LUZP2: variants seen among roughly 807,000 people sequenced by gnomAD.
LUZP2 encodes leucine zipper protein 2.
LUZP2 carries 52 observed loss-of-function variants against 51.6 expected under a neutral mutation model. The observed-to-expected ratio is 1.01, with a 90% CI of 0.81 to 1.27. The LOEUF is 1.27. Among genes scored for constraint, LUZP2 ranks in the 50% most tolerant of loss-of-function variants. The probability of loss-of-function intolerance (pLI) is 0.00; values close to 1 mark genes in which losing one functional copy is unlikely to be tolerated. For missense variants in LUZP2, 436 were observed against 395.4 expected, an observed-to-expected ratio of 1.10 and a Z score of -0.87; for synonymous variants, 154 against 137.3, an observed-to-expected ratio of 1.12 and a Z score of -0.85.
intron 8 of LUZP2, among the ~76,000 whole-genome samples, chr11:24,981,616 C>A (rs940075131): frequency 6.6e-6 from 1 of 151,806 alleles, no homozygotes; most frequent in Non-Finnish European, 1.5e-5. Context: ...GGTTCAAACG[C>A]CCCTGACGCT....
At chr11:24,758,653 T>A (rs1859862771) in intron 4 of LUZP2, among the ~76,000 whole-genome samples, 1 of 152,090 alleles carries the variant, frequency 6.6e-6, no homozygotes, top group African/African-American at 2.4e-5. Flanking sequence ...TGATGCTCTC[T>A]CTCAAATTGG....
intron 1 of LUZP2, among the ~76,000 whole-genome samples, chr11:24,717,341 T>C (rs949485611): frequency 1.3e-5 from 2 of 151,998 alleles, no homozygotes; most frequent in Non-Finnish European, 2.9e-5. Flanking sequence ...GTTTGTTACA[T>C]AGGTGAACTC....
chr11:24,764,449 AG>A (rs1474180486), intron 5 of LUZP2, among the ~76,000 whole-genome samples: 34 of 145,778 alleles, frequency 2.3e-4, no homozygotes, highest in Admixed American at 4.9e-4. Flanking sequence ...TGAGCCCAGG[AG>A]TTTGAGACCA....
chr11:25,077,320 CT>C lies in LUZP2; in HGVS notation c.859-5del. The C allele has an allele frequency of 6.2e-7, 1 of 1,607,208 alleles. No individual in the cohort carries two copies. ...TTCATTGATGTATTTTTAATTGCTACTTTTGTAGGAGGGCAGACCGTGTTCC... is the reference window on the plus strand; with the variant it reads ...TTCATTGATGTATTTTTAATTGCTACTTTGTAGGAGGGCAGACCGTGTTCC... On this transcript the variant is annotated splice_polypyrimidine_tract_variant and splice_region_variant and intron_variant, in intron 10 of 11. Coordinates refer to ENST00000336930, the MANE Select transcript of LUZP2 (RefSeq NM_001009909.4).
chr11:24,550,714 G>T (rs1275562477), intron 1 of LUZP2, among the ~76,000 whole-genome samples: 1 of 151,998 alleles, frequency 6.6e-6, no homozygotes, highest in Admixed American at 6.6e-5. Flanking sequence ...TCTTTTTCTT[G>T]TTGTCTAAAT....
At chr11:24,561,878 AG>A (rs1235877618) in intron 1 of LUZP2, among the ~76,000 whole-genome samples, 1 of 151,746 alleles carries the variant, frequency 6.6e-6, no homozygotes, top group African/African-American at 2.4e-5. Flanking sequence ...TGTAGAAAAA[AG>A]CACTTAAAGA....
chr11:24,825,148 G>T (rs961593707), intron 5 of LUZP2, among the ~76,000 whole-genome samples: 3 of 152,046 alleles, frequency 2.0e-5, no homozygotes, highest in African/African-American at 7.2e-5. Flanking sequence ...GTGACATCTA[G>T]TTTTTCAATC....
intron 1 of LUZP2, among the ~76,000 whole-genome samples, chr11:24,606,270 T>C (rs1440001108): frequency 6.6e-6 from 1 of 151,990 alleles, no homozygotes; most frequent in Non-Finnish European, 1.5e-5. Flanking sequence ...CAGTAGAAAC[T>C]ATACTTCAAT....
At chr11:24,733,376 T>A (rs1269147774) in intron 3 of LUZP2, among the ~76,000 whole-genome samples, 1 of 151,810 alleles carries the variant, frequency 6.6e-6, no homozygotes, top group African/African-American at 2.4e-5. Flanking sequence ...TATTTGTGGC[T>A]CTGTGAAGTA....
chr11:24,839,304 C>T (rs1850953654), intron 5 of LUZP2, among the ~76,000 whole-genome samples: 1 of 151,636 alleles, frequency 6.6e-6, no homozygotes, highest in South Asian at 2.1e-4. Context: ...AGTCTGATTT[C>T]ACTGATAGTG....
intron 5 of LUZP2, among the ~76,000 whole-genome samples, chr11:24,871,973 G>A (rs989989075): frequency 2.0e-5 from 3 of 151,928 alleles, no homozygotes; most frequent in Admixed American, 2.0e-4. Flanking sequence ...TAAACTATTA[G>A]TTCCATTTGA....
chr11:24,916,676 A>G (rs1296781864), intron 7 of LUZP2, among the ~76,000 whole-genome samples: 1 of 152,106 alleles, frequency 6.6e-6, no homozygotes, highest in Non-Finnish European at 1.5e-5. Flanking sequence ...ATCTTTTTAT[A>G]TGGCTGCATA....
intron 1 of LUZP2, among the ~76,000 whole-genome samples, chr11:24,678,395 G>C (rs544611289): frequency 3.9e-5 from 6 of 152,316 alleles, no homozygotes; most frequent in Admixed American, 1.3e-4. Flanking sequence ...AACCCCAGCA[G>C]AATTTCCACA....
intron 9 of LUZP2, among the ~76,000 whole-genome samples, chr11:25,025,069 A>G (rs1467613214): frequency 6.6e-5 from 10 of 152,118 alleles, no homozygotes; most frequent in African/African-American, 2.4e-4. Context: ...TTAATAAATG[A>G]TGCTGGGTAA....
At chr11:25,052,992 GT>G (rs1858567425) in intron 10 of LUZP2, among the ~76,000 whole-genome samples, 1 of 151,990 alleles carries the variant, frequency 6.6e-6, no homozygotes, top group Admixed American at 6.6e-5. Context: ...CCTATTTCTT[GT>G]TTTAACTTGA....
chr11:24,503,246 CTTT>C (rs1208170818), intron 1 of LUZP2, among the ~76,000 whole-genome samples: 1 of 152,084 alleles, frequency 6.6e-6, no homozygotes, highest in Non-Finnish European at 1.5e-5. Flanking sequence ...ATATATTTCT[CTTT>C]ATTTTGCTAT....
chr11:24,511,558 C>T (rs1995837), intron 1 of LUZP2, among the ~76,000 whole-genome samples: 18,868 of 151,886 alleles, frequency 0.12, 1,388 homozygotes, highest in East Asian at 0.23. Context: ...TAGGAGTATT[C>T]ATAAGTAATA....
At chr11:24,924,138 C>T (rs924070809) in intron 7 of LUZP2, among the ~76,000 whole-genome samples, 3 of 150,510 alleles carry the variant, frequency 2.0e-5, no homozygotes, top group Non-Finnish European at 4.4e-5. Flanking sequence ...AGTGCAGTGG[C>T]GTGATCTCGG....
At chr11:24,657,063 A>T (rs946435997) in intron 1 of LUZP2, among the ~76,000 whole-genome samples, 1 of 152,170 alleles carries the variant, frequency 6.6e-6, no homozygotes, top group Non-Finnish European at 1.5e-5. Context: ...CTCAGATACT[A>T]TATCCTGGAA....
Sources: gnomAD v4.1 joint callset for allele counts (sites outside exome capture counted in the v4.1 genomes callset) on GRCh38, gnomAD v4.1.1 for gene constraint, MANE v1.5 for transcripts, NCBI Gene and HGNC (gene_info 2026-07-23, HGNC 2026-07-21) for gene names.